CARMIL1: variants seen among roughly 807,000 people sequenced by gnomAD.
CARMIL1 encodes the protein F-actin-uncapping protein LRRC16A.
Under a neutral mutation model 177.1 loss-of-function variants are expected in CARMIL1, and 90 were observed. The observed-to-expected ratio is 0.51, with a 90% CI of 0.43 to 0.61. The LOEUF is 0.61. Among genes scored for constraint, CARMIL1 ranks in the 20% least tolerant of loss-of-function variants. The pLI, the probability that CARMIL1 is intolerant of heterozygous loss-of-function variation, is 0.00. For synonymous variants in CARMIL1, 577 were observed against 606.2 expected (o/e 0.95, Z 0.71); for missense variants, 1,380 against 1,667.0 (o/e 0.83, Z 3.00).
chr6:25,605,402 C>T (rs968274280), intron 34 of CARMIL1, among the ~76,000 whole-genome samples: 5 of 152,218 alleles, frequency 3.3e-5, no homozygotes, highest in South Asian at 2.1e-4. Context: ...GAGAGTAATG[C>T]GTTAACTGTG....
chr6:25,358,060 G>A (rs1198692945), intron 2 of CARMIL1, among the ~76,000 whole-genome samples: 3 of 152,154 alleles, frequency 2.0e-5, no homozygotes, highest in Non-Finnish European at 4.4e-5. Context: ...TACCTCACAC[G>A]CATTTTAAAA....
At chr6:25,327,189 G>C (rs79705097) in intron 2 of CARMIL1, among the ~76,000 whole-genome samples, 40,631 of 151,856 alleles carry the variant, frequency 0.27, 5,825 homozygotes, top group African/African-American at 0.39. Context: ...AAGGAGAGAG[G>C]GTGCAAGAGC....
At chr6:25,323,145 C>T (rs748620431) in intron 2 of CARMIL1, among the ~76,000 whole-genome samples, 24 of 152,054 alleles carry the variant, frequency 1.6e-4, no homozygotes, top group African/African-American at 5.1e-4. Flanking sequence ...TTCTAATAGA[C>T]GCACAGACAC....
chr6:25,320,016 T>TTAGTCAATGAGAAC (rs1265055514), intron 2 of CARMIL1, among the ~76,000 whole-genome samples: 1 of 152,214 alleles, frequency 6.6e-6, no homozygotes, highest in Non-Finnish European at 1.5e-5. Flanking sequence ...TCAATGAAGA[T>TTAGTCAATGAGAAC]TAGTCAATGA....
At chr6:25,396,601 A>G (rs1243427000) in intron 2 of CARMIL1, among the ~76,000 whole-genome samples, 2 of 152,080 alleles carry the variant, frequency 1.3e-5, no homozygotes, top group Non-Finnish European at 2.9e-5. Flanking sequence ...ACCTCAAGTG[A>G]TCTGCCCGCC....
intron 2 of CARMIL1, among the ~76,000 whole-genome samples, chr6:25,312,337 C>T (rs1429877713): frequency 6.6e-6 from 1 of 152,158 alleles, no homozygotes; most frequent in African/African-American, 2.4e-5. Context: ...AGACAAGAGA[C>T]CTGAGAGCTT....
intron 27 of CARMIL1, among the ~76,000 whole-genome samples, chr6:25,552,400 G>A (rs1467980716): frequency 1.3e-5 from 2 of 152,080 alleles, no homozygotes; most frequent in Non-Finnish European, 2.9e-5. Context: ...GGCAAATTCT[G>A]AAAGTTGAAC....
intron 2 of CARMIL1, among the ~76,000 whole-genome samples, chr6:25,405,287 A>G (rs1794261521): frequency 6.6e-6 from 1 of 152,226 alleles, no homozygotes; most frequent in Non-Finnish European, 1.5e-5. Flanking sequence ...CTGGCTTTAG[A>G]AGATGGGCTG....
At chr6:25,362,310 C>T (rs1187936269) in intron 2 of CARMIL1, among the ~76,000 whole-genome samples, 2 of 152,224 alleles carry the variant, frequency 1.3e-5, no homozygotes, top group African/African-American at 4.8e-5. Context: ...CTACAGTTGT[C>T]ATCCTGGAAT....
intron 3 of CARMIL1, 96 bp from the exon 4 acceptor site, chr6:25,426,405 T>G: frequency 1.1e-6 from 1 of 933,988 alleles, no homozygotes; most frequent in East Asian, 2.7e-5. Flanking sequence ...CTGTTTCTAG[T>G]TGTAGGATTT....
In CARMIL1 at chr6:25,317,987, C is replaced by A. The variant is rs927860329; in HGVS notation, c.138+33078C>A. Among the ~76,000 whole-genome samples, 3 of 152,086 alleles carry A rather than the reference C, an allele frequency of 2.0e-5. No individual in the cohort carries two copies. The South Asian group carries it at 6.2e-4, about 32-fold the overall frequency. On this transcript the variant is annotated intron_variant, in intron 2 of 36. Transcript: ENST00000329474. ...GAAGTAGTGAGGGAGTAAATGCTAA[C>A]CTTGTGTAGAAACCGTAAAGCGTAT... is the stretch of plus-strand genomic sequence containing the variant.
In CARMIL1 at chr6:25,610,117, T is replaced by C. The variant is rs759521519; in HGVS notation, c.3915T>C (p.Pro1305=). 13 of 1,613,958 alleles carry C rather than the reference T, an allele frequency of 8.1e-6. No homozygotes were observed. Among genetic ancestry groups the C allele is most frequent in the Middle Eastern group, 1.6e-4 (1 of 6,062 alleles). The change falls in exon 36 of 37, where the codon CCT becomes CCC. Residue 1305 remains proline, a synonymous_variant. Coordinates refer to ENST00000329474, the MANE Select transcript of CARMIL1 (RefSeq NM_017640.6). ...TTCCACCTGTCCTGAAAAAAGTTCC[T>C]TCAGACAAAGAGAGAGATGGCCAGA... ...ALLPPVLKKV[P]SDKERDGQSS...
intron 24 of CARMIL1, among the ~76,000 whole-genome samples, chr6:25,534,119 CTT>C (rs753011177): frequency 1.4e-5 from 2 of 143,552 alleles, no homozygotes; most frequent in Non-Finnish European, 3.1e-5. Context: ...CCTTCTACGT[CTT>C]TTTTTTTTTT....
intron 29 of CARMIL1, among the ~76,000 whole-genome samples, chr6:25,576,271 A>T (rs1231002925): frequency 6.6e-6 from 1 of 152,160 alleles, no homozygotes; most frequent in African/African-American, 2.4e-5. Flanking sequence ...GAAAATAAAG[A>T]AAAAAATTAT....
At chr6:25,412,138 TTTA>T (rs1794956865) in intron 2 of CARMIL1, among the ~76,000 whole-genome samples, 1 of 152,238 alleles carries the variant, frequency 6.6e-6, no homozygotes, top group South Asian at 2.1e-4. Flanking sequence ...GACCTAAAAT[TTTA>T]TTATGATATT....
At chr6:25,300,724 A>G (rs1782796200) in intron 2 of CARMIL1, among the ~76,000 whole-genome samples, 1 of 152,262 alleles carries the variant, frequency 6.6e-6, no homozygotes, top group African/African-American at 2.4e-5. Context: ...AAACTCTGGC[A>G]GTGGAGCCCT....
chr6:25,465,590 G>A (rs1432819393), intron 8 of CARMIL1: 3 of 376,142 alleles, frequency 8.0e-6, no homozygotes, highest in Non-Finnish European at 1.4e-5. Context: ...GGACTTAGAG[G>A]TAGGATTTCT....
At chr6:25,478,153 T>A (rs1801752553) in intron 11 of CARMIL1, among the ~76,000 whole-genome samples, 3 of 152,188 alleles carry the variant, frequency 2.0e-5, no homozygotes, top group African/African-American at 7.2e-5. Context: ...TTTGTTGACC[T>A]GAAGTACGCT....
intron 2 of CARMIL1, among the ~76,000 whole-genome samples, chr6:25,417,906 C>T (rs1008434449): frequency 1.3e-5 from 2 of 152,108 alleles, no homozygotes; most frequent in Non-Finnish European, 2.9e-5. Flanking sequence ...AAGATATTCA[C>T]CTATTCATGG....
Sources: gnomAD v4.1 joint callset for allele counts (sites outside exome capture counted in the v4.1 genomes callset) on GRCh38, gnomAD v4.1.1 for gene constraint, MANE v1.5 for transcripts, NCBI Gene and HGNC (gene_info 2026-07-23, HGNC 2026-07-21) for gene names.